LEPROTL1: variants seen among roughly 807,000 people sequenced by gnomAD.
LEPROTL1 encodes the protein leptin receptor overlapping transcript like 1.
LEPROTL1 carries 6 observed loss-of-function variants against 15.4 expected under a neutral mutation model. That is an observed-to-expected ratio of 0.39 (90% CI 0.21 to 0.77). The LOEUF is 0.77. LEPROTL1 is among the 30% of genes least tolerant of loss of function. The probability of loss-of-function intolerance (pLI) is 0.41; values close to 1 mark genes in which losing one functional copy is unlikely to be tolerated. For missense variants in LEPROTL1, 128 were observed against 158.1 expected, an observed-to-expected ratio of 0.81 and a Z score of 1.02; for synonymous variants, 56 against 52.6, an observed-to-expected ratio of 1.06 and a Z score of -0.28.
intron 3 of LEPROTL1, among the ~76,000 whole-genome samples, chr8:30,131,278 G>GTGTA (rs1554485354): frequency 5.4e-4 from 51 of 95,044 alleles, no homozygotes; most frequent in African/African-American, 1.4e-3. Flanking sequence ...ATATGTGTGT[G>GTGTA]TATATATATA....
intron 3 of LEPROTL1, among the ~76,000 whole-genome samples, chr8:30,126,130 A>G (rs1802901814): frequency 1.3e-5 from 2 of 152,298 alleles, no homozygotes; most frequent in South Asian, 2.1e-4. Flanking sequence ...CCCATAATCT[A>G]TCTATAATCT....
downstream of LEPROTL1, among the ~76,000 whole-genome samples, chr8:30,109,146 A>C (rs1802617976): frequency 6.6e-6 from 1 of 152,070 alleles, no homozygotes; most frequent in Non-Finnish European, 1.5e-5. Context: ...CTAGATTTTT[A>C]AGTTTCAGAT....
chr8:30,120,975 A>AT (rs1270473547), intron 3 of LEPROTL1, among the ~76,000 whole-genome samples: 4 of 152,008 alleles, frequency 2.6e-5, no homozygotes, highest in Non-Finnish European at 5.9e-5. Context: ...CTCTACTCCC[A>AT]TTCCCCCTGC....
intron 3 of LEPROTL1, among the ~76,000 whole-genome samples, chr8:30,126,521 C>A (rs1802909879): frequency 6.6e-6 from 1 of 152,146 alleles, no homozygotes. Context: ...GAATGTGTAT[C>A]AGTGAAGCCT....
Position 30,106,320 on chromosome 8 carries a change from A to G in LEPROTL1, c.*458A>G, listed in dbSNP as rs1298023078. 6.1e-6 allele frequency: 6 copies of G among 986,846 alleles called. No individual in the cohort carries two copies. Among genetic ancestry groups the G allele is most frequent in the Non-Finnish European group, 7.2e-6 (6 of 830,590 alleles). 61.1% of individuals were successfully genotyped at this position (986,846 alleles called of 1,614,324 possible). Reference sequence around the variant, plus strand: ...AAATTATAAAAATAAGTTTTCAGTCAGTCAGGATGACATCACTCCCAATGT... The same window carrying G: ...AAATTATAAAAATAAGTTTTCAGTCGGTCAGGATGACATCACTCCCAATGT... On this transcript the variant is annotated 3_prime_UTR_variant, in exon 4 of 4. Coordinates refer to ENST00000321250, the MANE Select transcript of LEPROTL1 (RefSeq NM_015344.3).
chr8:30,096,489 T>C, intron 1 of LEPROTL1: 1 of 587,568 alleles, frequency 1.7e-6, no homozygotes, highest in Non-Finnish European at 2.1e-6. Context: ...CGAGTTTTTT[T>C]TCAGGGTCAC....
intron 4 of LEPROTL1, among the ~76,000 whole-genome samples, chr8:30,133,422 ATT>A (rs1427943867): frequency 6.6e-6 from 1 of 152,144 alleles, no homozygotes; most frequent in Admixed American, 6.6e-5. Context: ...TTGCATATAT[ATT>A]TTTTGTTTGT....
intron 4 of LEPROTL1, among the ~76,000 whole-genome samples, chr8:30,136,410 C>G (rs1199539452): frequency 1.3e-5 from 2 of 152,212 alleles, no homozygotes; most frequent in Non-Finnish European, 2.9e-5. Context: ...CTGACGTCAT[C>G]ATCAGTGACT....
At chr8:30,121,911 AT>A (rs1802834160) in intron 3 of LEPROTL1, among the ~76,000 whole-genome samples, 1 of 152,072 alleles carries the variant, frequency 6.6e-6, no homozygotes, top group Non-Finnish European at 1.5e-5. Context: ...CACCCCTGTA[AT>A]CCTAGCACTT....
chr8:30,095,858 C>T (rs1430383607), intron 1 of LEPROTL1: 17 of 701,756 alleles, frequency 2.4e-5, no homozygotes, highest in Non-Finnish European at 4.4e-5. Flanking sequence ...CGGCCACACA[C>T]GTTTTGCAGG....
exon 4 of LEPROTL1, chr8:30,132,411 T>C: frequency 6.4e-7 from 1 of 1,551,660 alleles, no homozygotes; most frequent in Non-Finnish European, 8.7e-7. Context: ...ATCCCTCCTC[T>C]CCAGGGCTCT....
chr8:30,128,700 C>T (rs925971783), intron 3 of LEPROTL1, among the ~76,000 whole-genome samples: 4 of 150,500 alleles, frequency 2.7e-5, no homozygotes, highest in African/African-American at 7.4e-5. Context: ...TGCAGTGAGC[C>T]GAGATCATGC....
At chr8:30,102,372 C>T (rs1049533744) in intron 2 of LEPROTL1, among the ~76,000 whole-genome samples, 5 of 152,096 alleles carry the variant, frequency 3.3e-5, no homozygotes, top group South Asian at 2.1e-4. Flanking sequence ...ACTTTCCGGC[C>T]GGGTGCGGTG....
chr8:30,132,484 T>G lies in LEPROTL1; in HGVS notation c.389T>G (p.Val130Gly), dbSNP rs1444206382. ...GGAGTCGTCCAGGATCCAGTGGGAG[T>G]AGTAGGTGAGCTTGAAAAGCCCAGC... is the stretch of plus-strand genomic sequence containing the variant. The change falls in exon 4 of 5, where the codon GTA becomes GGA. Residue 130 changes from valine to glycine, a missense_variant. Coordinates refer to the LEPROTL1 transcript ENST00000442880. The G allele has an allele frequency of 2.6e-5, 40 of 1,550,940 alleles. No homozygotes were observed. The highest frequency in any genetic ancestry group is 3.1e-5 in the Non-Finnish European group (36 of 1,146,850).
Position 30,106,904 on chromosome 8 carries a change from G to C in LEPROTL1, c.*1042G>C, listed in dbSNP as rs570133462. ...ATATAGTTTAATAACACTTAGAAGT[G>C]TTTACTTACCTGGAAAATAATTGCT... On this transcript the variant is annotated 3_prime_UTR_variant, in exon 4 of 4. Transcript: ENST00000321250. The C allele has an allele frequency of 9.1e-6, 9 of 983,988 alleles. No individual in the cohort carries two copies. The highest frequency in any genetic ancestry group is 1.1e-5 in the Non-Finnish European group (9 of 828,286). The allele number at this position is 983,988 out of a possible 1,614,324, so 61.0% of individuals were successfully genotyped here. A position where few individuals can be genotyped will look rare whatever the true frequency, so the allele number is the denominator to read the frequency against.
intron 4 of LEPROTL1, among the ~76,000 whole-genome samples, chr8:30,133,694 T>C (rs780172517): frequency 6.7e-6 from 1 of 148,802 alleles, no homozygotes; most frequent in Non-Finnish European, 1.5e-5. Context: ...GAGGCTGACG[T>C]GGGTGGAACC....
chr8:30,121,427 T>C (rs1337497994), intron 3 of LEPROTL1, among the ~76,000 whole-genome samples: 1 of 152,062 alleles, frequency 6.6e-6, no homozygotes, highest in African/African-American at 2.4e-5. Flanking sequence ...TAATTTTTTG[T>C]ATTTTCAGTC....
downstream of LEPROTL1, among the ~76,000 whole-genome samples, chr8:30,111,054 T>C (rs1802647497): frequency 2.0e-5 from 3 of 152,240 alleles, no homozygotes; most frequent in South Asian, 6.2e-4. Flanking sequence ...TCCTGAAAGC[T>C]AGGTTTACTT....
chr8:30,104,138 C>T (rs1044753918), intron 2 of LEPROTL1, among the ~76,000 whole-genome samples, 162 bp from the exon 3 acceptor site: 3 of 152,208 alleles, frequency 2.0e-5, no homozygotes, highest in East Asian at 1.9e-4. Context: ...GGGAGTTCCT[C>T]GTGTTGTAAG....
Sources: gnomAD v4.1 joint callset for allele counts (sites outside exome capture counted in the v4.1 genomes callset) on GRCh38, gnomAD v4.1.1 for gene constraint, MANE v1.5 for transcripts, NCBI Gene and HGNC (gene_info 2026-07-23, HGNC 2026-07-21) for gene names.